The following AK9 variants were observed in gnomAD, a reference collection of about 807,000 sequenced individuals.
The protein encoded by AK9 is adenylate kinase domain containing 1.
Under a neutral mutation model 239.6 loss-of-function variants are expected in AK9, and 191 were observed. The observed-to-expected ratio is 0.80, with a 90% CI of 0.71 to 0.90. The LOEUF (loss-of-function observed/expected upper bound fraction) is 0.90, where lower values mean the gene tolerates loss of function less well. Among genes scored for constraint, AK9 ranks in the 40% least tolerant of loss-of-function variants. The pLI is 0.00. For synonymous variants in AK9, 689 were observed against 721.0 expected (o/e 0.96, Z 0.71); for missense variants, 1,995 against 2,214.7 (o/e 0.90, Z 1.99).
intron 20 of AK9, among the ~76,000 whole-genome samples, chr6:109,577,866 T>C (rs1382849016): frequency 6.7e-6 from 1 of 150,142 alleles, no homozygotes. Context: ...TTTTCTTTCT[T>C]TCTTTTTCTT....
At position 109,499,050 on chromosome 6, in the gene AK9, T is replaced by G. The variant is rs775380824; in HGVS notation, c.5040A>C (p.Lys1680Asn). 4 of 1,508,752 alleles carry G rather than the reference T, an allele frequency of 2.7e-6. No homozygotes were observed. The highest frequency in any genetic ancestry group is 3.6e-6 in the Non-Finnish European group (4 of 1,124,238). 93.5% of individuals were successfully genotyped at this position (1,508,752 alleles called of 1,614,324 possible). ...GAGTTAGGAACAAACTTACATTCAGTTTTTCCTGAGAACTCATTTTATAGT... is the reference window on the plus strand; with the variant it reads ...GAGTTAGGAACAAACTTACATTCAGGTTTTCCTGAGAACTCATTTTATAGT... ...GHYYKMSSQE[K>N]LNKFLENPEL... The change falls in exon 36 of 41, where the codon AAA (lysine) becomes AAC (asparagine). Residue 1680 changes from lysine to asparagine, a missense_variant. This residue lies in a region of AK9 where 391 missense variants were observed against 456.0 expected (regional missense o/e 0.86). Coordinates refer to ENST00000424296, the MANE Select transcript of AK9 (RefSeq NM_001145128.3).
intron 16 of AK9, among the ~76,000 whole-genome samples, chr6:109,611,551 TTGTG>T (rs147740065): frequency 6.9e-4 from 105 of 151,492 alleles, no homozygotes; most frequent in Non-Finnish European, 7.4e-5. Context: ...CAAGCAGAGT[TTGTG>T]TGTGTGTGTG....
intron 32 of AK9, among the ~76,000 whole-genome samples, chr6:109,511,786 T>A (rs1778776708): frequency 6.6e-6 from 1 of 152,162 alleles, no homozygotes; most frequent in South Asian, 2.1e-4. Context: ...CTGTTTTTTT[T>A]AAAGTTCTAA....
At chr6:109,666,499 G>A (rs1029969547) in intron 5 of AK9, among the ~76,000 whole-genome samples, 1 of 152,180 alleles carries the variant, frequency 6.6e-6, no homozygotes, top group Admixed American at 6.5e-5. Context: ...GGGAGACTTT[G>A]CATGTTCTAT....
intron 5 of AK9, 55 bp downstream of exon 5, chr6:109,671,864 A>C (rs1770953654): frequency 6.6e-7 from 1 of 1,524,898 alleles, no homozygotes; most frequent in East Asian, 2.3e-5. Context: ...GCCTCAGATA[A>C]AGCATGAGTT....
intron 2 of AK9, 69 bp downstream of exon 2, chr6:109,675,560 T>C: frequency 9.7e-7 from 1 of 1,031,958 alleles, no homozygotes. Context: ...TTTATTTTTA[T>C]ATGGTAACTT....
chr6:109,658,416 G>A (rs2128313998), intron 7 of AK9, among the ~76,000 whole-genome samples: 2 of 152,206 alleles, frequency 1.3e-5, no homozygotes, highest in Middle Eastern at 6.8e-3. Flanking sequence ...AGTAACAAAA[G>A]TAACATAATT....
intron 12 of AK9, among the ~76,000 whole-genome samples, chr6:109,619,929 A>T (rs1794620336): frequency 1.3e-5 from 2 of 152,264 alleles, no homozygotes; most frequent in Admixed American, 6.5e-5. Context: ...ACAGTATGTG[A>T]TCTTTTTCAG....
chr6:109,532,060 C>T (rs1040136348), intron 28 of AK9, among the ~76,000 whole-genome samples: 3 of 152,168 alleles, frequency 2.0e-5, no homozygotes, highest in African/African-American at 7.2e-5. Flanking sequence ...GGTTTTAACA[C>T]TTTGGCAGTC....
intron 12 of AK9, chr6:109,632,079 C>A: frequency 2.4e-6 from 2 of 850,980 alleles, no homozygotes; most frequent in Non-Finnish European, 2.8e-6. Flanking sequence ...GTGCTGGCAA[C>A]ATTCCAGATT....
At chr6:109,647,252 T>C (rs9480987) in intron 8 of AK9, among the ~76,000 whole-genome samples, 88,597 of 152,020 alleles carry the variant, frequency 0.58, 27,498 homozygotes, top group South Asian at 0.84. Context: ...TAACTTTAAA[T>C]GTAAATGGGC....
At chr6:109,663,759 T>C (rs2128321355) in intron 5 of AK9, among the ~76,000 whole-genome samples, 1 of 152,356 alleles carries the variant, frequency 6.6e-6, no homozygotes, top group Non-Finnish European at 1.5e-5. Flanking sequence ...CAATGGATTT[T>C]AATGTAACCA....
intron 3 of AK9, among the ~76,000 whole-genome samples, chr6:109,673,975 A>G (rs1021734167): frequency 6.6e-6 from 1 of 151,794 alleles, no homozygotes; most frequent in African/African-American, 2.4e-5. Flanking sequence ...CTCTACAAAA[A>G]AAAAAAATAA....
At chr6:109,558,240 C>T (rs954721396) in intron 24 of AK9, among the ~76,000 whole-genome samples, 8 of 151,960 alleles carry the variant, frequency 5.3e-5, no homozygotes, top group South Asian at 2.1e-4. Context: ...TTACTTTTGA[C>T]GAAGGCCAAT....
At chr6:109,504,024 C>A (rs984885963) in intron 35 of AK9, among the ~76,000 whole-genome samples, 1 of 152,184 alleles carries the variant, frequency 6.6e-6, no homozygotes, top group Non-Finnish European at 1.5e-5. Context: ...CCTGACTTGT[C>A]CACAGGTGTA....
At chr6:109,497,372 TCTCTCTCTCTCTCA>T (rs1433653191) in intron 38 of AK9, 79 bp downstream of exon 38, 2 of 753,812 alleles carry the variant, frequency 2.7e-6, no homozygotes, top group African/African-American at 3.7e-5. Flanking sequence ...ACTCTCTCTC[TCTCTCTCTCTCTCA>T]CACACTCCTC....
At chr6:109,639,349 T>C (rs901541055) in intron 10 of AK9, among the ~76,000 whole-genome samples, 1 of 152,252 alleles carries the variant, frequency 6.6e-6, no homozygotes. Context: ...CCATTCTAAC[T>C]GGTGTGAGAT....
intron 24 of AK9, among the ~76,000 whole-genome samples, chr6:109,557,446 CCT>C (rs1785145385): frequency 6.6e-6 from 1 of 152,078 alleles, no homozygotes; most frequent in African/African-American, 2.4e-5. Flanking sequence ...TCTAACAACC[CCT>C]GTTAGAGGGT....
At chr6:109,620,306 C>T (rs966580047) in intron 12 of AK9, among the ~76,000 whole-genome samples, 4 of 152,142 alleles carry the variant, frequency 2.6e-5, no homozygotes, top group African/African-American at 9.7e-5. Context: ...CTCGCATCCT[C>T]ACCAACACTT....
Sources: gnomAD v4.1 joint callset for allele counts (sites outside exome capture counted in the v4.1 genomes callset) on GRCh38, gnomAD v4.1.1 for gene constraint, gnomAD v4.1.1 regional missense constraint, MANE v1.5 for transcripts, NCBI Gene and HGNC (gene_info 2026-07-23, HGNC 2026-07-21) for gene names.